The following PSMD14 variants were observed in gnomAD, a reference collection of about 807,000 sequenced individuals.
The protein encoded by PSMD14 is proteasome 26S subunit, non-ATPase 14.
Under a neutral mutation model 41.2 loss-of-function variants are expected in PSMD14, and 7 were observed. The observed-to-expected ratio is 0.17, with a 90% CI of 0.10 to 0.32. The LOEUF is 0.32. PSMD14 is among the 10% of genes least tolerant of loss of function. The pLI is 1.00. For missense variants in PSMD14, 139 were observed against 375.6 expected (o/e 0.37, Z 5.21); for synonymous variants, 114 against 122.3 (o/e 0.93, Z 0.45).
chr2:161,407,333 A>T (rs3769957), intron 10 of PSMD14, among the ~76,000 whole-genome samples: 94,338 of 151,930 alleles, frequency 0.62, 30,261 homozygotes, highest in Admixed American at 0.7. Flanking sequence ...GAAAATGAGC[A>T]TATTCTCTGT....
At chr2:161,352,958 T>TA (rs1683141014) in intron 3 of PSMD14, among the ~76,000 whole-genome samples, 2 of 152,156 alleles carry the variant, frequency 1.3e-5, no homozygotes, top group Admixed American at 1.3e-4. Context: ...GTGATCCAGC[T>TA]AATCCCAGAC....
chr2:161,382,110 T>C (rs1379575742), intron 7 of PSMD14: 1 of 151,880 alleles, frequency 6.6e-6, no homozygotes, highest in Non-Finnish European at 1.5e-5. Flanking sequence ...CAGAAAGTGG[T>C]GTGTGATTGT....
At chr2:161,312,997 T>A (rs1454082888) in intron 1 of PSMD14, among the ~76,000 whole-genome samples, 2 of 152,242 alleles carry the variant, frequency 1.3e-5, no homozygotes, top group Non-Finnish European at 2.9e-5. Flanking sequence ...TATTATATGC[T>A]TACTATATGA....
At chr2:161,310,108 G>C (rs1005971375) in intron 1 of PSMD14, among the ~76,000 whole-genome samples, 1 of 152,136 alleles carries the variant, frequency 6.6e-6, no homozygotes, top group Non-Finnish European at 1.5e-5. Context: ...CCAAGATCGC[G>C]CAACTGCACT....
intron 7 of PSMD14, chr2:161,385,237 C>T (rs929623824): frequency 1.6e-5 from 5 of 319,238 alleles, no homozygotes; most frequent in Middle Eastern, 8.5e-4. Flanking sequence ...TTTTTCTTTA[C>T]TGCTTCATGA....
At chr2:161,364,133 A>G (rs1327337666) in intron 3 of PSMD14, among the ~76,000 whole-genome samples, 3 of 152,172 alleles carry the variant, frequency 2.0e-5, no homozygotes, top group Non-Finnish European at 4.4e-5. Context: ...GCTGTCCTCC[A>G]ACTGCCCTGG....
At chr2:161,327,609 C>G (rs1221617924) in intron 3 of PSMD14, among the ~76,000 whole-genome samples, 1 of 151,990 alleles carries the variant, frequency 6.6e-6, no homozygotes, top group Admixed American at 6.6e-5. Flanking sequence ...CATAATTTGA[C>G]TACCTCAAGA....
At chr2:161,386,795 TA>T (rs1245547698) in intron 8 of PSMD14, among the ~76,000 whole-genome samples, 1 of 151,970 alleles carries the variant, frequency 6.6e-6, no homozygotes, top group Non-Finnish European at 1.5e-5. Flanking sequence ...TCATTGTGAT[TA>T]CTACATGGTA....
chr2:161,341,066 C>G, intron 3 of PSMD14: 1 of 1,561,334 alleles, frequency 6.4e-7, no homozygotes, highest in Middle Eastern at 2.3e-4. Context: ...CCCCCGGTCC[C>G]GCAGGCTCCC....
chr2:161,362,505 C>G (rs1168403233), intron 3 of PSMD14, among the ~76,000 whole-genome samples: 1 of 152,120 alleles, frequency 6.6e-6, no homozygotes, highest in African/African-American at 2.4e-5. Context: ...GTGGGATGCT[C>G]AAGTGGATCT....
rs576746099 is a variant in PSMD14, at chr2:161,360,088, G to C, written c.49-7390G>C. Among the ~76,000 whole-genome samples the C allele has an allele frequency of 7.2e-5, 11 of 152,040 alleles. No individual in the cohort carries two copies. In the South Asian group the frequency reaches 2.3e-3, roughly 32 times the overall value. On this transcript the variant is annotated intron_variant, in intron 3 of 11. Transcript: ENST00000409682. ...TTTTTCCAGAGCCTGAAAAATTCCA[G>C]ATTTTCTCTGATAGGACTATGTGGC...
chr2:161,371,967 C>CT (rs529718395), intron 7 of PSMD14, among the ~76,000 whole-genome samples: 11,526 of 145,292 alleles, frequency 0.079, 620 homozygotes, highest in Non-Finnish European at 0.13. Context: ...TTCATTCTTT[C>CT]TTTTTTTTTT....
At chr2:161,373,893 C>T (rs1470239454) in intron 7 of PSMD14, among the ~76,000 whole-genome samples, 8 of 151,590 alleles carry the variant, frequency 5.3e-5, no homozygotes, top group African/African-American at 1.9e-4. Context: ...TTGCTGTGAG[C>T]CAGGTATTGT....
intron 1 of PSMD14, among the ~76,000 whole-genome samples, chr2:161,312,205 G>A (rs1405456190): frequency 5.3e-5 from 8 of 151,144 alleles, no homozygotes; most frequent in South Asian, 2.1e-4. Context: ...GTGCGGTGGC[G>A]CGATCTCGGC....
chr2:161,337,090 T>C (rs1433871531), intron 3 of PSMD14, among the ~76,000 whole-genome samples: 1 of 152,258 alleles, frequency 6.6e-6, no homozygotes, highest in African/African-American at 2.4e-5. Context: ...ACAAGTATGC[T>C]GATTAAGAAT....
rs1364937494 is a variant in PSMD14 at position 161,367,843 on chromosome 2, A to G, written c.180A>G (p.Glu60=). The G allele has an allele frequency of 1.2e-6, 2 of 1,613,610 alleles. No individual in the cohort carries two copies. Among genetic ancestry groups the G allele is most frequent in the South Asian group, 2.2e-5 (2 of 91,054 alleles). ...PMEVMGLMLG[E]FVDDYTVRVI... The stretch of plus-strand genomic sequence containing the variant: ...AAGTTATGGGTTTGATGCTTGGAGA[A>G]TTTGTTGATGATTATACCGTCAGAG... The change falls in exon 5 of 12, where the codon GAA becomes GAG. Residue 60 remains glutamate, a synonymous_variant. Transcript: ENST00000409682.
intron 1 of PSMD14, among the ~76,000 whole-genome samples, chr2:161,311,316 GAA>G (rs935180286): frequency 6.8e-6 from 1 of 146,670 alleles, no homozygotes; most frequent in Non-Finnish European, 1.5e-5. Flanking sequence ...CTCAAAAAAG[GAA>G]AAAAAAAATT....
At chr2:161,384,991 A>G in intron 7 of PSMD14, 1 of 152,234 alleles carries the variant, frequency 6.6e-6, no homozygotes, top group East Asian at 1.9e-4. Flanking sequence ...TATGTGGGCA[A>G]GTGCCTTGCT....
intron 8 of PSMD14, among the ~76,000 whole-genome samples, chr2:161,389,898 T>TTTTTTTTTTTTTTTTG (rs1683688803): frequency 9.2e-6 from 1 of 108,746 alleles, no homozygotes; most frequent in African/African-American, 3.4e-5. Flanking sequence ...TGTTTTTTTT[T>TTTTTTTTTTTTTTTTG]TTTTTTTTTT....
Sources: gnomAD v4.1 joint callset for allele counts (sites outside exome capture counted in the v4.1 genomes callset) on GRCh38, gnomAD v4.1.1 for gene constraint, MANE v1.5 for transcripts, NCBI Gene and HGNC (gene_info 2026-07-23, HGNC 2026-07-21) for gene names.